TSHZ3: variants seen among roughly 807,000 people sequenced by gnomAD.
TSHZ3 encodes the protein teashirt zinc finger homeobox 3.
In TSHZ3, 10 loss-of-function variants were observed where a neutral mutation model predicts 64.5. The observed-to-expected ratio is 0.16, with a 90% CI of 0.10 to 0.26. The LOEUF (loss-of-function observed/expected upper bound fraction) is 0.26. Among genes scored for constraint, TSHZ3 ranks in the 10% least tolerant of loss-of-function variants. The pLI is 1.00. For synonymous variants in TSHZ3, 608 were observed against 593.1 expected (o/e 1.03, Z -0.36); for missense variants, 1,242 against 1,421.7 (o/e 0.87, Z 2.03).
chr19:31,285,666 C>A (rs1026709266), intron 1 of TSHZ3, among the ~76,000 whole-genome samples: 5 of 150,782 alleles, frequency 3.3e-5, no homozygotes, highest in Admixed American at 3.3e-4. Context: ...TACCTGTAGT[C>A]CCAGCTACTT....
chr19:31,300,285 A>G (rs1390481483), intron 1 of TSHZ3, among the ~76,000 whole-genome samples: 1 of 152,236 alleles, frequency 6.6e-6, no homozygotes, highest in African/African-American at 2.4e-5. Context: ...CTATTGAGAT[A>G]GATTAAAGAA....
chr19:31,264,955 G>C (rs1162524378), intron 1 of TSHZ3, among the ~76,000 whole-genome samples: 2 of 152,174 alleles, frequency 1.3e-5, no homozygotes, highest in African/African-American at 4.8e-5. Flanking sequence ...CACTCTGACT[G>C]TGGGGTAGGG....
At chr19:31,284,309 A>G (rs1325927628) in intron 1 of TSHZ3, among the ~76,000 whole-genome samples, 1 of 151,794 alleles carries the variant, frequency 6.6e-6, no homozygotes, top group Non-Finnish European at 1.5e-5. Flanking sequence ...AGCCACTAGC[A>G]TCTCTCACCC....
chr19:31,270,502 G>T (rs1976120354), downstream of TSHZ3, among the ~76,000 whole-genome samples: 1 of 152,122 alleles, frequency 6.6e-6, no homozygotes, highest in African/African-American at 2.4e-5. Context: ...GTAGAGACAG[G>T]GTCTCACTAT....
At chr19:31,227,667 G>A (rs550847674) in intron 4 of TSHZ3, among the ~76,000 whole-genome samples, 16 of 152,148 alleles carry the variant, frequency 1.1e-4, no homozygotes, top group Middle Eastern at 3.4e-3. Flanking sequence ...TTTATATTGC[G>A]TACCCCAAAA....
chr19:31,231,924 A>G (rs1975545763), intron 3 of TSHZ3, among the ~76,000 whole-genome samples: 1 of 152,192 alleles, frequency 6.6e-6, no homozygotes, highest in African/African-American at 2.4e-5. Context: ...CTTTAATTCC[A>G]GACCCTGATT....
intron 1 of TSHZ3, among the ~76,000 whole-genome samples, chr19:31,322,785 T>C (rs1916810074): frequency 6.6e-6 from 1 of 152,156 alleles, no homozygotes; most frequent in Non-Finnish European, 1.5e-5. Context: ...AATAAAGGAA[T>C]GAGTGAATGA....
chr19:31,279,421 G>A lies in TSHZ3; in HGVS notation c.372C>T (p.Asn124=), dbSNP rs761901879. 2.2e-5 allele frequency: 35 copies of A among 1,614,112 alleles called. No individual in the cohort carries two copies. The highest frequency in any genetic ancestry group is 2.8e-5 in the Non-Finnish European group (33 of 1,180,054). The change falls in exon 2 of 2, where the codon AAC becomes AAT. Residue 124 remains asparagine, a synonymous_variant. Coordinates refer to ENST00000240587, the MANE Select transcript of TSHZ3 (RefSeq NM_020856.4). This position sits in a 1 kb window ranked among gnomAD's most constrained non-coding sequence, Gnocchi z 6.4. The part of the protein sequence containing the change: ...SLEQMKAVYN[N]FLSNSYWSNL... ...TGGACCAGTAGGAGTTGGAGAGGAAGTTGTTGTACACGGCCTTCATCTGCT... is the reference window on the plus strand; with the variant it reads ...TGGACCAGTAGGAGTTGGAGAGGAAATTGTTGTACACGGCCTTCATCTGCT...
At chr19:31,231,107 T>C (rs1397676299) in intron 3 of TSHZ3, among the ~76,000 whole-genome samples, 4 of 152,108 alleles carry the variant, frequency 2.6e-5, no homozygotes, top group Admixed American at 6.6e-5. Context: ...AATATATTAA[T>C]AGAAAACTGA....
At chr19:31,245,423 A>G (rs1359047717) in intron 1 of TSHZ3, among the ~76,000 whole-genome samples, 1 of 152,232 alleles carries the variant, frequency 6.6e-6, no homozygotes, top group East Asian at 1.9e-4. Flanking sequence ...AGCTGCTCTT[A>G]AAAGAAATAT....
chr19:31,284,961 C>T (rs1976429546), intron 1 of TSHZ3, among the ~76,000 whole-genome samples: 3 of 152,218 alleles, frequency 2.0e-5, no homozygotes, highest in Admixed American at 2.0e-4. Context: ...CAGCCAGTCC[C>T]AGTGCAAAGC....
chr19:31,302,781 G>A (rs1470123374), intron 1 of TSHZ3, among the ~76,000 whole-genome samples: 1 of 152,168 alleles, frequency 6.6e-6, no homozygotes, highest in African/African-American at 2.4e-5. Flanking sequence ...CATATGGGAA[G>A]TGAGATGTAT....
intron 5 of TSHZ3, among the ~76,000 whole-genome samples, chr19:31,172,192 C>A (rs1974545477): frequency 6.6e-6 from 1 of 152,178 alleles, no homozygotes; most frequent in Non-Finnish European, 1.5e-5. Context: ...TGAAGTCACA[C>A]TTTTTGGGTT....
rs764113852 is a variant in TSHZ3, at chr19:31,278,104, G to A, written c.1689C>T (p.Ser563=). 3 of 1,614,002 alleles carry A rather than the reference G, an allele frequency of 1.9e-6. No homozygotes were observed. The highest frequency in any genetic ancestry group is 1.3e-5 in the African/African-American group (1 of 74,918). Residue 563 remains serine, a synonymous_variant, in exon 2 of 2, where the codon TCC becomes TCT. Transcript: ENST00000240587. This position sits in a 1 kb window ranked among gnomAD's most constrained non-coding sequence, Gnocchi z 4.7. ...GCGTGCTCTTCCCCGACGAGCCCAG[G>A]GACAACTTCATCATGTTGGGAAGTT... The part of the protein sequence containing the change: ...AYQLPNMMKL[S]LGSSGKSTPL...
intron 1 of TSHZ3, among the ~76,000 whole-genome samples, chr19:31,282,959 C>T (rs534201951): frequency 1.1e-4 from 17 of 152,320 alleles, no homozygotes; most frequent in African/African-American, 4.1e-4. Flanking sequence ...TGACCATTTT[C>T]TTTTCCGATC....
intron 5 of TSHZ3, among the ~76,000 whole-genome samples, chr19:31,171,993 T>C (rs1445479833): frequency 6.6e-6 from 1 of 152,152 alleles, no homozygotes; most frequent in Admixed American, 6.5e-5. Context: ...TATAGGTCTG[T>C]TTTAATGGAG....
chr19:31,291,404 TC>T (rs2034622958), intron 1 of TSHZ3, among the ~76,000 whole-genome samples: 1 of 152,060 alleles, frequency 6.6e-6, no homozygotes, highest in African/African-American at 2.4e-5. Flanking sequence ...CTCCCTCCCT[TC>T]CCAGCACTCT....
intron 5 of TSHZ3, among the ~76,000 whole-genome samples, chr19:31,174,973 C>A (rs559392069): frequency 6.6e-6 from 1 of 152,232 alleles, no homozygotes; most frequent in South Asian, 2.1e-4. Flanking sequence ...CCTGGCCTGA[C>A]TCCTCTGACT....
chr19:31,347,282 C>T (rs1022339647), intron 1 of TSHZ3, among the ~76,000 whole-genome samples: 1 of 151,888 alleles, frequency 6.6e-6, no homozygotes, highest in Non-Finnish European at 1.5e-5. Flanking sequence ...AGCAGGTTCC[C>T]TCCTCCTCTG....
Sources: allele counts gnomAD v4.1 joint callset (sites outside exome capture counted in the v4.1 genomes callset), GRCh38; gene constraint gnomAD v4.1.1; non-coding constraint Gnocchi (gnomAD v3.1); transcripts MANE v1.5; gene names NCBI Gene and HGNC (gene_info 2026-07-23, HGNC 2026-07-21).